SASH1: variants seen among roughly 807,000 people sequenced by gnomAD.
SASH1 encodes the protein SAM and SH3 domain-containing protein 1.
SASH1 carries 44 observed loss-of-function variants against 125.2 expected under a neutral mutation model. That is an observed-to-expected ratio of 0.35 (90% CI 0.28 to 0.45). The LOEUF is 0.45. Ranked by LOEUF, SASH1 falls within the 20% of genes least tolerant of loss-of-function variation. The probability of loss-of-function intolerance (pLI) is 1.00; values close to 1 mark genes in which losing one functional copy is unlikely to be tolerated. For synonymous variants in SASH1, 639 were observed against 649.1 expected (o/e 0.98, Z 0.24); for missense variants, 1,426 against 1,614.5 (o/e 0.88, Z 2.00).
intron 1 of SASH1, among the ~76,000 whole-genome samples, chr6:148,302,678 C>G (rs1444819033): frequency 7.2e-4 from 30 of 41,692 alleles, no homozygotes; most frequent in African/African-American, 1.8e-3. Flanking sequence ...CACACACACA[C>G]ACGGAGAAAT....
At chr6:148,374,220 T>A (rs1484662648) in intron 1 of SASH1, among the ~76,000 whole-genome samples, 1 of 152,158 alleles carries the variant, frequency 6.6e-6, no homozygotes, top group African/African-American at 2.4e-5. Flanking sequence ...CAAGTTTGGG[T>A]AGGTGATAGG....
intron 7 of SASH1, among the ~76,000 whole-genome samples, chr6:148,474,496 T>G (rs1343416842): frequency 6.6e-6 from 1 of 152,220 alleles, no homozygotes; most frequent in African/African-American, 2.4e-5. Context: ...CACAAGCCTT[T>G]TGAAAAGAAT....
At chr6:148,348,652 G>A (rs1781595704) in intron 1 of SASH1, among the ~76,000 whole-genome samples, 2 of 152,306 alleles carry the variant, frequency 1.3e-5, no homozygotes, top group Admixed American at 1.3e-4. Flanking sequence ...TGTGTCCTAA[G>A]TCATGCAGAT....
chr6:148,222,980 G>A, the SASH1 span, among the ~76,000 whole-genome samples: 21 of 152,068 alleles, frequency 1.4e-4, no homozygotes, highest in Admixed American at 5.2e-4. Flanking sequence ...ATAGTACTTC[G>A]CATGCGAACT....
intron 10 of SASH1, chr6:148,524,731 A>G (rs1339577488): frequency 2.0e-5 from 3 of 152,226 alleles, no homozygotes; most frequent in African/African-American, 7.2e-5. Flanking sequence ...TGAGTGAGTA[A>G]TTCTCTTGGC....
chr6:148,398,046 G>A (rs1290980183), intron 2 of SASH1, among the ~76,000 whole-genome samples: 1 of 152,068 alleles, frequency 6.6e-6, no homozygotes, highest in African/African-American at 2.4e-5. Flanking sequence ...AGGGAGGTGT[G>A]GACCGTGGGG....
chr6:148,545,932 C>T, intron 18 of SASH1, 83 bp from the exon 19 acceptor site: 1 of 1,375,718 alleles, frequency 7.3e-7, no homozygotes, highest in Non-Finnish European at 1.0e-6. Context: ...CAGTGAGACC[C>T]TACGTTATAT....
intron 1 of SASH1, among the ~76,000 whole-genome samples, chr6:148,307,046 TTC>T (rs778175780): frequency 7.5e-5 from 9 of 120,786 alleles, no homozygotes; most frequent in Non-Finnish European, 1.4e-4. Context: ...CTTTCTTTCT[TTC>T]TTTCTTTCTT....
chr6:148,250,305 TG>T, the SASH1 span, among the ~76,000 whole-genome samples: 2 of 152,194 alleles, frequency 1.3e-5, no homozygotes, highest in African/African-American at 4.8e-5. Flanking sequence ...CATCTCACCC[TG>T]GATATCTGCC....
chr6:148,392,162 T>A (rs1483375958), intron 2 of SASH1, among the ~76,000 whole-genome samples: 1 of 152,000 alleles, frequency 6.6e-6, no homozygotes, highest in East Asian at 1.9e-4. Flanking sequence ...GGCGCATGCC[T>A]CTAATCCCAA....
intron 4 of SASH1, among the ~76,000 whole-genome samples, chr6:148,441,982 T>C (rs1442363917): frequency 6.6e-6 from 1 of 152,268 alleles, no homozygotes; most frequent in East Asian, 1.9e-4. Context: ...TCAAACTTAA[T>C]GTGTTTCTAA....
intron 1 of SASH1, among the ~76,000 whole-genome samples, chr6:148,319,560 A>G (rs868661180): frequency 6.6e-6 from 1 of 151,966 alleles, no homozygotes; most frequent in Non-Finnish European, 1.5e-5. Flanking sequence ...CTTGTTGCCC[A>G]GGCTGGAGTG....
At chr6:148,548,005 A>G (rs2115472059) in intron 19 of SASH1, among the ~76,000 whole-genome samples, 1 of 152,360 alleles carries the variant, frequency 6.6e-6, no homozygotes, top group Admixed American at 6.5e-5. Context: ...ACAGTGAAAC[A>G]AAATAGCAGA....
At chr6:148,259,773 A>T in the SASH1 span, among the ~76,000 whole-genome samples, 1 of 152,220 alleles carries the variant, frequency 6.6e-6, no homozygotes, top group Non-Finnish European at 1.5e-5. Flanking sequence ...GGTACCCCTT[A>T]TACTAAGAAG....
chr6:148,276,720 C>T (rs1461450443), intron 1 of SASH1, among the ~76,000 whole-genome samples: 1 of 152,108 alleles, frequency 6.6e-6, no homozygotes, highest in Non-Finnish European at 1.5e-5. Context: ...TAAATATATA[C>T]ACCTGCGAGT....
At chr6:148,508,001 G>C (rs1335571042) in intron 8 of SASH1, among the ~76,000 whole-genome samples, 1 of 152,224 alleles carries the variant, frequency 6.6e-6, no homozygotes, top group Non-Finnish European at 1.5e-5. Flanking sequence ...CATGTGCCTA[G>C]TGGCTCCCCT....
intron 2 of SASH1, among the ~76,000 whole-genome samples, chr6:148,415,446 G>A (rs1007039225): frequency 1.3e-5 from 2 of 152,104 alleles, no homozygotes; most frequent in African/African-American, 4.8e-5. Flanking sequence ...GATTGATAAA[G>A]CAATACTTAA....
In SASH1 at chr6:148,533,381, C is replaced by T. The variant is rs772088424; in HGVS notation, c.1735-390C>T. Among the ~76,000 whole-genome samples the T allele has an allele frequency of 2.0e-5, 3 of 152,142 alleles. No individual in the cohort carries two copies. The highest frequency in any genetic ancestry group is 2.9e-5 in the Non-Finnish European group (2 of 68,024). ...AAAGTGTGTGCAGCCATGACAGGGC[C>T]GGGATTGCCACTGGTTAGGACAGGT... On this transcript the variant is annotated intron_variant, in intron 14 of 19. Coordinates refer to ENST00000367467, the MANE Select transcript of SASH1 (RefSeq NM_015278.5). The surrounding 1 kb of genome is among the most constrained non-coding windows in gnomAD (Gnocchi z 6.2).
chr6:148,429,929 G>C lies in SASH1; in HGVS notation c.286-10255G>C, dbSNP rs142628905. Among the ~76,000 whole-genome samples the C allele has an allele frequency of 2.1e-3, 323 of 152,242 alleles. 1 individual carries two copies. Among genetic ancestry groups the C allele is most frequent in the African/African-American group, 7.5e-3 (311 of 41,560 alleles). On this transcript the variant is annotated intron_variant, in intron 2 of 19. Coordinates refer to ENST00000367467, the MANE Select transcript of SASH1 (RefSeq NM_015278.5). ...GGTGGCATACAATGAATTTCAACAG[G>C]AATTTATTGGAAGGCCATTTACAGT... is the stretch of plus-strand genomic sequence containing the variant.
Sources: allele counts gnomAD v4.1 joint callset (sites outside exome capture counted in the v4.1 genomes callset), GRCh38; gene constraint gnomAD v4.1.1; non-coding constraint Gnocchi (gnomAD v3.1); transcripts MANE v1.5; gene names NCBI Gene and HGNC (gene_info 2026-07-23, HGNC 2026-07-21).